GALNT11: variants seen among roughly 807,000 people sequenced by gnomAD.
GALNT11 encodes polypeptide N-acetylgalactosaminyltransferase 11.
GALNT11 carries 47 observed loss-of-function variants against 72.7 expected under a neutral mutation model. That is an observed-to-expected ratio of 0.65 (90% CI 0.51 to 0.82). The LOEUF is 0.82. Among genes scored for constraint, GALNT11 ranks in the 40% least tolerant of loss-of-function variants. GALNT11 has a pLI of 0.00. For synonymous variants in GALNT11, 270 were observed against 286.6 expected (o/e 0.94, Z 0.58); for missense variants, 677 against 778.4 (o/e 0.87, Z 1.55).
intron 1 of GALNT11, among the ~76,000 whole-genome samples, chr7:152,027,983 T>C (rs897184185): frequency 1.3e-5 from 2 of 152,136 alleles, no homozygotes; most frequent in African/African-American, 4.8e-5. Context: ...AAAGGTGGCA[T>C]GTCGAGAGTT....
At chr7:152,092,609 G>T (rs1269195990) in intron 1 of GALNT11, among the ~76,000 whole-genome samples, 3 of 152,146 alleles carry the variant, frequency 2.0e-5, no homozygotes, top group Non-Finnish European at 2.9e-5. Flanking sequence ...TTGGCAGACA[G>T]TTAAGAAACT....
chr7:152,041,652 C>G (rs1348302051), intron 1 of GALNT11, among the ~76,000 whole-genome samples: 1 of 152,204 alleles, frequency 6.6e-6, no homozygotes, highest in Admixed American at 6.5e-5. Flanking sequence ...GCTTTTCAAT[C>G]AGCTGTAACT....
chr7:152,070,508 G>A (rs1220990081), intron 1 of GALNT11, among the ~76,000 whole-genome samples: 11 of 152,068 alleles, frequency 7.2e-5, no homozygotes, highest in Admixed American at 7.2e-4. Context: ...GCCCTATTGA[G>A]AAGCCACCTG....
At chr7:152,086,317 G>T (rs1042544153) in intron 1 of GALNT11, among the ~76,000 whole-genome samples, 1 of 152,134 alleles carries the variant, frequency 6.6e-6, no homozygotes, top group Non-Finnish European at 1.5e-5. Flanking sequence ...GAGCCACCGC[G>T]CCCAGCCCTA....
At chr7:152,107,338 G>A (rs2087680416) in intron 5 of GALNT11, 1 of 152,078 alleles carries the variant, frequency 6.6e-6, no homozygotes, top group Admixed American at 6.6e-5. Flanking sequence ...TTGCTAACTA[G>A]AAGAAAGGTG....
At chr7:152,050,909 G>C (rs116571165) in intron 1 of GALNT11, among the ~76,000 whole-genome samples, 554 of 152,242 alleles carry the variant, frequency 3.6e-3, no homozygotes, top group African/African-American at 0.012. Flanking sequence ...GCAGCACTGA[G>C]TTCCGATGTG....
intron 8 of GALNT11, among the ~76,000 whole-genome samples, chr7:152,115,749 C>G (rs1056980038): frequency 6.6e-6 from 1 of 152,242 alleles, no homozygotes; most frequent in African/African-American, 2.4e-5. Flanking sequence ...AGCTTGACAG[C>G]TTCCTAGTAC....
intron 1 of GALNT11, among the ~76,000 whole-genome samples, chr7:152,069,728 T>C (rs2084515905): frequency 6.6e-6 from 1 of 152,196 alleles, no homozygotes; most frequent in Non-Finnish European, 1.5e-5. Flanking sequence ...TCCAGCTTTC[T>C]TTTGATTTGT....
chr7:152,107,964 T>G, intron 5 of GALNT11, 74 bp from the exon 6 acceptor site: 1 of 1,524,642 alleles, frequency 6.6e-7, no homozygotes, highest in Non-Finnish European at 8.9e-7. Flanking sequence ...CAGCGCGTCA[T>G]CCCATTGGAC....
rs761250556 is a variant in GALNT11, at chr7:152,100,963, G to A, written c.419+42G>A. The A allele has an allele frequency of 4.9e-5, 78 of 1,605,824 alleles. 1 individual carries two copies. The highest frequency in any genetic ancestry group is 3.5e-4 in the South Asian group (32 of 90,660). On this transcript the variant is annotated intron_variant, in intron 3 of 11. Transcript: ENST00000430044. ...ATTTGCAAATACATTTTAACAACACGATGCTTTTAGTGTCAGTGTAAGAGG... is the reference window on the plus strand; with the variant it reads ...ATTTGCAAATACATTTTAACAACACAATGCTTTTAGTGTCAGTGTAAGAGG...
intron 9 of GALNT11, 183 bp from the exon 10 acceptor site, chr7:152,118,495 G>GTCTA (rs2089105615): frequency 5.6e-6 from 3 of 536,242 alleles, no homozygotes; most frequent in Admixed American, 7.9e-5. Flanking sequence ...TATAACTTTT[G>GTCTA]TCTATCTTGA....
Position 152,105,504 on chromosome 7 carries a change from T to C in GALNT11, c.712+134T>C, listed in dbSNP as rs1189432349. The C allele has an allele frequency of 3.7e-6, 5 of 1,347,674 alleles. No homozygotes were observed. The East Asian group carries it at 1.2e-4, about 32-fold the overall frequency. 83.5% of individuals were successfully genotyped at this position (1,347,674 alleles called of 1,614,324 possible). On this transcript the variant is annotated intron_variant, in intron 5 of 11. Transcript: ENST00000430044. Reference sequence around the variant, plus strand: ...CATTGCCAGCAGGAGAGATGAGGCTTGTTCTGTTTGGGAAAGACCTGTTCA... The same window carrying C: ...CATTGCCAGCAGGAGAGATGAGGCTCGTTCTGTTTGGGAAAGACCTGTTCA...
In GALNT11 at chr7:152,110,652, T is replaced by C. The variant is rs375224574; in HGVS notation, c.1080+7T>C. The C allele has an allele frequency of 7.1e-6, 11 of 1,550,486 alleles. No individual in the cohort carries two copies. The African/African-American group carries it at 9.5e-5, about 13-fold the overall frequency. On this transcript the variant is annotated splice_region_variant and intron_variant, in intron 7 of 11. Transcript: ENST00000430044. ...TTTGGAAATATCATTTCGGGTAATT[T>C]AATTTTTGCATGCTCAATTAATAAC...
In GALNT11 at chr7:152,108,303, T is replaced by C. The variant is rs1427062833; in HGVS notation, c.962+16T>C. On this transcript the variant is annotated intron_variant, in intron 6 of 11. Transcript: ENST00000430044. ...CACCAATAAAGTAAGATCGCTCCTT[T>C]GTTTGACAAATTCCTACCAGTGCTT... The C allele has an allele frequency of 6.3e-7, 1 of 1,592,898 alleles. No homozygotes were observed. Among genetic ancestry groups the C allele is most frequent in the Non-Finnish European group, 8.6e-7 (1 of 1,163,598 alleles).
chr7:152,070,343 C>T (rs930027080), intron 1 of GALNT11, among the ~76,000 whole-genome samples: 6 of 152,058 alleles, frequency 3.9e-5, no homozygotes, highest in Admixed American at 2.6e-4. Flanking sequence ...ACTTTATCTC[C>T]TCTCTTATCT....
At chr7:152,059,246 C>T (rs1366427004) in intron 1 of GALNT11, among the ~76,000 whole-genome samples, 1 of 152,018 alleles carries the variant, frequency 6.6e-6, no homozygotes, top group Non-Finnish European at 1.5e-5. Context: ...CAGGCATGTG[C>T]CACCATGCCC....
intron 3 of GALNT11, 89 bp from the exon 4 acceptor site, chr7:152,103,011 GAAGAGGGTGAAC>G: frequency 9.1e-7 from 1 of 1,102,302 alleles, no homozygotes; most frequent in Non-Finnish European, 1.3e-6. Context: ...GGGGGTGGGG[GAAGAGGGTGAAC>G]AAGGGGACAG....
In GALNT11 at chr7:152,044,719, C is replaced by G. The variant is rs540030242; in HGVS notation, c.-39+18835C>G. Among the ~76,000 whole-genome samples, 9 of 152,082 alleles carry G rather than the reference C, an allele frequency of 5.9e-5. No homozygotes were observed. In the South Asian group the frequency reaches 1.7e-3, roughly 28 times the overall value. On this transcript the variant is annotated intron_variant, in intron 1 of 11. Transcript: ENST00000430044. The stretch of plus-strand genomic sequence containing the variant: ...CTTTAGATTTCTCCAAATATAAGAT[C>G]ATATCATCTGCAAACAAGGGTACTT...
chr7:152,121,581 G>A lies in GALNT11; in HGVS notation c.1731G>A (p.Gln577=). Residue 577 remains glutamine (Q), a synonymous_variant, in exon 12 of 12, where the codon CAG becomes CAA. Transcript: ENST00000430044. ...NNRLYQVSVG[Q]CLRAVDPLGQ... ...GGCTATACCAGGTGTCGGTTGGACAGTGCCTGAGAGCAGTGGATCCCCTGG... is the reference window on the plus strand; with the variant it reads ...GGCTATACCAGGTGTCGGTTGGACAATGCCTGAGAGCAGTGGATCCCCTGG... 2 of 1,614,142 alleles carry A rather than the reference G, an allele frequency of 1.2e-6. No individual in the cohort carries two copies. The highest frequency in any genetic ancestry group is 2.2e-5 in the South Asian group (2 of 91,078).
Sources: gnomAD v4.1 joint callset for allele counts (sites outside exome capture counted in the v4.1 genomes callset) on GRCh38, gnomAD v4.1.1 for gene constraint, MANE v1.5 for transcripts, NCBI Gene and HGNC (gene_info 2026-07-23, HGNC 2026-07-21) for gene names.